Variants in CELF4 observed in about 807,000 individuals in gnomAD.
CELF4 encodes the protein CUG-BP- and ETR-3-like factor 4.
CELF4 carries 18 observed loss-of-function variants against 59.9 expected under a neutral mutation model. That is an observed-to-expected ratio of 0.30 (90% confidence interval 0.21 to 0.45). The LOEUF is 0.45. Ranked by LOEUF, CELF4 falls within the 20% of genes least tolerant of loss-of-function variation. The pLI is 1.00. For synonymous variants in CELF4, 261 were observed against 267.1 expected (o/e 0.98, Z 0.22); for missense variants, 456 against 689.0 (o/e 0.66, Z 3.79).
Position 37,259,288 on chromosome 18 carries a change from C to T in CELF4, c.1250-24G>A, listed in dbSNP as rs771544570. The T allele has an allele frequency of 9.5e-4, 115 of 120,594 alleles. No homozygotes were observed. The East Asian group carries it at 0.01, about 11-fold the overall frequency. 7.5% of individuals were successfully genotyped at this position (120,594 alleles called of 1,614,324 possible). A position where few individuals can be genotyped will look rare whatever the true frequency, so the allele number is the denominator to read the frequency against. ...CCCTGCGGTGAGGGGAGGGGGTGGG[C>T]GGGGGAGGAGGGATGGCAGGGTGGG... is the stretch of plus-strand genomic sequence containing the variant. On this transcript the variant is annotated intron_variant, in intron 10 of 12. Coordinates refer to ENST00000420428, the MANE Select transcript of CELF4 (RefSeq NM_020180.4).
At chr18:37,466,087 G>T (rs949038486) in intron 2 of CELF4, among the ~76,000 whole-genome samples, 4 of 152,218 alleles carry the variant, frequency 2.6e-5, no homozygotes. Context: ...CTGGGATGAG[G>T]CTCCACAAGG....
At chr18:37,355,490 T>C (rs1387903481) in intron 2 of CELF4, among the ~76,000 whole-genome samples, 1 of 152,006 alleles carries the variant, frequency 6.6e-6, no homozygotes, top group African/African-American at 2.4e-5. Context: ...CTGGCCAACA[T>C]GGAGAAGCCC....
At chr18:37,294,559 C>T (rs921073442) in intron 3 of CELF4, among the ~76,000 whole-genome samples, 4 of 152,232 alleles carry the variant, frequency 2.6e-5, no homozygotes, top group Non-Finnish European at 5.9e-5. Context: ...CATTTTCCCC[C>T]AAATGCTCTC....
chr18:37,339,379 T>C (rs1395845225), intron 2 of CELF4, among the ~76,000 whole-genome samples: 1 of 152,202 alleles, frequency 6.6e-6, no homozygotes, highest in Non-Finnish European at 1.5e-5. Flanking sequence ...AGAGCTCGGC[T>C]ATGTGGGTCC....
intron 2 of CELF4, among the ~76,000 whole-genome samples, chr18:37,409,959 A>G (rs1041551033): frequency 6.6e-6 from 1 of 152,180 alleles, no homozygotes; most frequent in Non-Finnish European, 1.5e-5. Context: ...GCCCAGCCTG[A>G]AAGCTCTTCT....
At chr18:37,450,845 A>G (rs545006781) in intron 2 of CELF4, among the ~76,000 whole-genome samples, 2 of 152,118 alleles carry the variant, frequency 1.3e-5, no homozygotes, top group South Asian at 4.2e-4. Context: ...AGCAAGGGAC[A>G]ACACATTCCT....
intron 2 of CELF4, among the ~76,000 whole-genome samples, chr18:37,376,974 G>C (rs2098977204): frequency 6.6e-6 from 1 of 152,156 alleles, no homozygotes; most frequent in South Asian, 2.1e-4. Context: ...TCCAGGGATG[G>C]GGGAGTGGGC....
intron 2 of CELF4, among the ~76,000 whole-genome samples, chr18:37,402,649 C>T (rs1266734326): frequency 1.3e-5 from 2 of 152,138 alleles, no homozygotes; most frequent in Non-Finnish European, 2.9e-5. Flanking sequence ...AAGAGAAAGA[C>T]AAAAAGTAAG....
At chr18:37,502,499 G>A (rs949849152) in intron 1 of CELF4, among the ~76,000 whole-genome samples, 3 of 152,274 alleles carry the variant, frequency 2.0e-5, no homozygotes, top group African/African-American at 7.2e-5. Flanking sequence ...TCACCGGGAA[G>A]GTGGTACAGG....
rs897003843 is a variant in CELF4, at chr18:37,523,148, A to G, written c.287-37541T>C. ...TGGGCACCCGGCTGGGCACACATTC[A>G]CGTGGGCTTGGTTGGGACCCTCCAA... On this transcript the variant is annotated intron_variant, in intron 1 of 12. Coordinates refer to ENST00000420428, the MANE Select transcript of CELF4 (RefSeq NM_020180.4). 9.2e-5 allele frequency among the ~76,000 whole-genome samples: 14 copies of G among 151,816 alleles called. 1 individual carries two copies. Among genetic ancestry groups the G allele is most frequent in the African/African-American group, 3.4e-4 (14 of 41,312 alleles).
At chr18:37,538,592 G>A (rs1432751204) in intron 1 of CELF4, among the ~76,000 whole-genome samples, 1 of 152,162 alleles carries the variant, frequency 6.6e-6, no homozygotes, top group African/African-American at 2.4e-5. Context: ...GTGTTAAAAT[G>A]GCTGCCTGGG....
At chr18:37,278,336 C>T (rs2093663977) in intron 3 of CELF4, among the ~76,000 whole-genome samples, 1 of 152,236 alleles carries the variant, frequency 6.6e-6, no homozygotes, top group Non-Finnish European at 1.5e-5. Flanking sequence ...GGATTGACCA[C>T]AACCAACTCA....
At chr18:37,356,093 T>C (rs1460616244) in intron 2 of CELF4, among the ~76,000 whole-genome samples, 1 of 152,186 alleles carries the variant, frequency 6.6e-6, no homozygotes, top group Admixed American at 6.5e-5. Context: ...GTTTATTTTC[T>C]GATTCAGGTG....
intron 2 of CELF4, among the ~76,000 whole-genome samples, chr18:37,346,897 T>C (rs754165020): frequency 4.6e-5 from 7 of 151,832 alleles, no homozygotes; most frequent in South Asian, 2.1e-4. Context: ...TCCAGCAGCA[T>C]TGGGGAGTGG....
intron 12 of CELF4, among the ~76,000 whole-genome samples, chr18:37,247,662 CACAT>C (rs1315230714): frequency 6.6e-6 from 1 of 151,832 alleles, no homozygotes; most frequent in Non-Finnish European, 1.5e-5. Context: ...CACACATACA[CACAT>C]ACACACACAC....
chr18:37,497,651 CAAAAAA>C (rs58015103), intron 1 of CELF4, among the ~76,000 whole-genome samples: 3 of 118,294 alleles, frequency 2.5e-5, no homozygotes, highest in East Asian at 2.2e-4. Context: ...GACTCTGTCT[CAAAAAA>C]AAAAAAAAAG....
At chr18:37,457,478 C>G (rs766662593) in intron 2 of CELF4, among the ~76,000 whole-genome samples, 1 of 152,186 alleles carries the variant, frequency 6.6e-6, no homozygotes, top group African/African-American at 2.4e-5. Context: ...GAGTCTTCCA[C>G]CAACCCACTT....
intron 10 of CELF4, among the ~76,000 whole-genome samples, chr18:37,259,987 A>G (rs1445485480): frequency 6.6e-6 from 1 of 152,242 alleles, no homozygotes; most frequent in East Asian, 1.9e-4. Context: ...CTGCGACTTC[A>G]GCAGCACAAA....
intron 1 of CELF4, among the ~76,000 whole-genome samples, chr18:37,493,438 C>T (rs956049703): frequency 6.6e-6 from 1 of 152,202 alleles, no homozygotes; most frequent in African/African-American, 2.4e-5. Flanking sequence ...ACCCCAGGGC[C>T]CCCTTTCCCC....
Sources: gnomAD v4.1 joint callset for allele counts (sites outside exome capture counted in the v4.1 genomes callset) on GRCh38, gnomAD v4.1.1 for gene constraint, MANE v1.5 for transcripts, NCBI Gene and HGNC (gene_info 2026-07-23, HGNC 2026-07-21) for gene names.